Variants in NXPE2 observed in about 807,000 individuals in gnomAD.
The protein encoded by NXPE2 is neurexophilin and PC-esterase domain family member 2.
A neutral mutation model predicts 34.4 loss-of-function variants in NXPE2; 34 were observed. The observed-to-expected ratio is 0.99, with a 90% confidence interval of 0.75 to 1.31. The LOEUF (loss-of-function observed/expected upper bound fraction) is 1.31. NXPE2 is among the 40% of genes most tolerant of loss of function. NXPE2 has a pLI of 0.00. For missense variants in NXPE2, 649 were observed against 672.5 expected (o/e 0.97, Z 0.39); for synonymous variants, 235 against 231.3 (o/e 1.02, Z -0.15).
the NXPE2 span, among the ~76,000 whole-genome samples, chr11:114,804,113 A>G: frequency 6.6e-6 from 1 of 152,264 alleles, no homozygotes; most frequent in East Asian, 1.9e-4. Context: ...ACCTGACTGC[A>G]GTCTGCAGCC....
At chr11:114,751,349 GTTA>G in the NXPE2 span, among the ~76,000 whole-genome samples, 1 of 152,082 alleles carries the variant, frequency 6.6e-6, no homozygotes, top group Admixed American at 6.6e-5. Flanking sequence ...ATTCCACCAT[GTTA>G]TTATTTATGA....
chr11:114,797,643 C>T, the NXPE2 span, among the ~76,000 whole-genome samples: 1 of 152,178 alleles, frequency 6.6e-6, no homozygotes, highest in Non-Finnish European at 1.5e-5. Flanking sequence ...CATCTATTAA[C>T]CAGAGTTTGC....
At chr11:114,598,113 G>C in the NXPE2 span, among the ~76,000 whole-genome samples, 1 of 152,186 alleles carries the variant, frequency 6.6e-6, no homozygotes, top group South Asian at 2.1e-4. Flanking sequence ...ATTCTAAAAG[G>C]GAAAAATTGG....
the NXPE2 span, among the ~76,000 whole-genome samples, chr11:114,585,446 T>C: frequency 6.6e-6 from 1 of 151,964 alleles, no homozygotes; most frequent in Non-Finnish European, 1.5e-5. Context: ...AGATATTCCA[T>C]GCAAATGGAA....
the NXPE2 span, chr11:114,530,093 T>C: frequency 7.2e-7 from 1 of 1,393,420 alleles, no homozygotes; most frequent in Non-Finnish European, 9.7e-7. Context: ...TGAGTCATGC[T>C]CAATGTTGCA....
At chr11:114,721,805 G>C in the NXPE2 span, among the ~76,000 whole-genome samples, 1 of 152,206 alleles carries the variant, frequency 6.6e-6, no homozygotes, top group Non-Finnish European at 1.5e-5. Context: ...AATGGCCAGT[G>C]GCAGGAGGAG....
the NXPE2 span, among the ~76,000 whole-genome samples, chr11:114,721,339 A>T: frequency 2.6e-5 from 4 of 151,902 alleles, no homozygotes; most frequent in Non-Finnish European, 5.9e-5. Context: ...CCATAATGGA[A>T]TGACAAGGAG....
chr11:114,507,543 C>T, the NXPE2 span, among the ~76,000 whole-genome samples: 3 of 152,106 alleles, frequency 2.0e-5, no homozygotes, highest in South Asian at 6.2e-4. Context: ...GCTTATCCAC[C>T]ATGATTAAGT....
the NXPE2 span, among the ~76,000 whole-genome samples, chr11:114,491,118 C>T: frequency 4.5e-5 from 6 of 133,532 alleles, no homozygotes; most frequent in South Asian, 2.5e-4. Context: ...GCCGAGATTG[C>T]GCCACTGCAG....
chr11:114,468,852 A>G, the NXPE2 span, among the ~76,000 whole-genome samples: 1 of 152,164 alleles, frequency 6.6e-6, no homozygotes, highest in Non-Finnish European at 1.5e-5. Context: ...CAGTTCATAT[A>G]TCTGATGGAG....
chr11:114,606,334 T>A, the NXPE2 span, among the ~76,000 whole-genome samples: 1 of 151,698 alleles, frequency 6.6e-6, no homozygotes, highest in Non-Finnish European at 1.5e-5. Flanking sequence ...GGATAATAAG[T>A]GTTACCTTGT....
At chr11:114,570,742 T>G in the NXPE2 span, 1 of 489,254 alleles carries the variant, frequency 2.0e-6, no homozygotes, top group Non-Finnish European at 3.6e-6. Flanking sequence ...ATGAGTATTT[T>G]TAGTTTTATT....
rs199966102 is a variant in NXPE2, at chr11:114,701,873, G to C, written c.867-2118G>C. Reference sequence around the variant, plus strand: ...CAGGATGCAAAACCTAATATATGGAGAGCTGACTTTTCACATACTTGGGTT... The same window carrying C: ...CAGGATGCAAAACCTAATATATGGACAGCTGACTTTTCACATACTTGGGTT... On this transcript the variant is annotated intron_variant, in intron 3 of 5. Transcript: ENST00000389586. 3.9e-5 allele frequency among the ~76,000 whole-genome samples: 6 copies of C among 152,304 alleles called. No homozygotes were observed. In the East Asian group the frequency reaches 1.2e-3, roughly 29 times the overall value.
the NXPE2 span, among the ~76,000 whole-genome samples, chr11:114,773,770 C>T: frequency 2.0e-5 from 3 of 152,320 alleles, no homozygotes; most frequent in African/African-American, 7.2e-5. Context: ...CTAAGTAGAA[C>T]AAAAGGTGGA....
At chr11:114,800,948 C>G in the NXPE2 span, among the ~76,000 whole-genome samples, 4 of 152,188 alleles carry the variant, frequency 2.6e-5, no homozygotes, top group Non-Finnish European at 5.9e-5. Flanking sequence ...AAGTTCTAAA[C>G]TATGACAATT....
At chr11:114,602,226 A>G in the NXPE2 span, among the ~76,000 whole-genome samples, 4 of 107,590 alleles carry the variant, frequency 3.7e-5, no homozygotes, top group African/African-American at 1.5e-4. Context: ...TATGTTATAG[A>G]TTATATATTA....
At chr11:114,587,305 G>A in the NXPE2 span, among the ~76,000 whole-genome samples, 7 of 152,150 alleles carry the variant, frequency 4.6e-5, no homozygotes, top group African/African-American at 9.7e-5. Flanking sequence ...AATTAAAATG[G>A]TACTTAAATA....
chr11:114,794,616 A>G, the NXPE2 span, among the ~76,000 whole-genome samples: 1 of 152,212 alleles, frequency 6.6e-6, no homozygotes. Flanking sequence ...GTTTGGCTGC[A>G]GGGACCACAG....
At chr11:114,680,195 T>C (rs1473009857) in intron 2 of NXPE2, among the ~76,000 whole-genome samples, 1 of 152,136 alleles carries the variant, frequency 6.6e-6, no homozygotes, top group Non-Finnish European at 1.5e-5. Flanking sequence ...TCACCTTGCT[T>C]CCAGTTTCTT....
Sources: allele counts gnomAD v4.1 joint callset (sites outside exome capture counted in the v4.1 genomes callset), GRCh38; gene constraint gnomAD v4.1.1; transcripts MANE v1.5; gene names NCBI Gene and HGNC (gene_info 2026-07-23, HGNC 2026-07-21).